The following RANBP2 variants were observed in gnomAD, a reference collection of about 807,000 sequenced individuals.
RANBP2 encodes the protein RAN binding protein 2, also known as E3 SUMO-protein ligase RanBP2.
In RANBP2, 57 loss-of-function variants were observed where a neutral mutation model predicts 303.6. The observed-to-expected ratio is 0.19, with a 90% CI of 0.15 to 0.23. The LOEUF (loss-of-function observed/expected upper bound fraction) is 0.23, where lower values mean the gene tolerates loss of function less well. Among genes scored for constraint, RANBP2 ranks in the 10% least tolerant of loss-of-function variants. The pLI is 1.00. For missense variants in RANBP2, 3,138 were observed against 3,780.8 expected, an observed-to-expected ratio of 0.83 and a Z score of 4.46; for synonymous variants, 1,167 against 1,301.5, an observed-to-expected ratio of 0.90 and a Z score of 2.23.
At chr2:108,742,485 T>C (rs1558890665) in intron 7 of RANBP2, among the ~76,000 whole-genome samples, 5 of 151,680 alleles carry the variant, frequency 3.3e-5, no homozygotes, top group Admixed American at 2.0e-4. Context: ...TTGTATTTTT[T>C]AATAGAGACG....
the RANBP2 span, among the ~76,000 whole-genome samples, chr2:109,255,393 G>A: frequency 6.6e-6 from 1 of 152,150 alleles, no homozygotes; most frequent in Non-Finnish European, 1.5e-5. Context: ...CCACCACCAG[G>A]GAATGTCTGG....
At chr2:109,470,273 C>T in the RANBP2 span, among the ~76,000 whole-genome samples, 16 of 152,146 alleles carry the variant, frequency 1.1e-4, no homozygotes, top group African/African-American at 3.9e-4. Context: ...AAGGATGACC[C>T]ACAGCACCCA....
chr2:109,387,889 A>T, the RANBP2 span, among the ~76,000 whole-genome samples: 2 of 150,176 alleles, frequency 1.3e-5, no homozygotes, highest in Admixed American at 6.6e-5. Flanking sequence ...CGGCCCATCC[A>T]CCCGCACACG....
At chr2:108,812,296 T>C in the RANBP2 span, among the ~76,000 whole-genome samples, 1 of 152,156 alleles carries the variant, frequency 6.6e-6, no homozygotes. Flanking sequence ...TTGTACTGCA[T>C]ACTTAGGATT....
the RANBP2 span, among the ~76,000 whole-genome samples, chr2:109,596,614 CAAAAAAAGAAAA>C: frequency 6.8e-6 from 1 of 146,084 alleles, no homozygotes. Context: ...GACTCCATCT[CAAAAAAAGAAAA>C]AAAAAAAGAA....
At chr2:109,684,048 TC>T in the RANBP2 span, among the ~76,000 whole-genome samples, 1 of 151,592 alleles carries the variant, frequency 6.6e-6, no homozygotes, top group Non-Finnish European at 1.5e-5. Context: ...CTCAAGCGAT[TC>T]TCCTGCCTCA....
At chr2:109,398,449 C>G in the RANBP2 span, 1 of 788,850 alleles carries the variant, frequency 1.3e-6, no homozygotes, top group African/African-American at 1.7e-5. Flanking sequence ...CCACCAGCCT[C>G]TTCTGTGTTT....
chr2:109,409,599 A>C, the RANBP2 span, among the ~76,000 whole-genome samples: 2 of 152,112 alleles, frequency 1.3e-5, no homozygotes, highest in Admixed American at 6.5e-5. Context: ...AGTTCCCCTC[A>C]CCAGCTGAGA....
At chr2:109,242,699 C>T in the RANBP2 span, among the ~76,000 whole-genome samples, 4 of 152,200 alleles carry the variant, frequency 2.6e-5, no homozygotes, top group South Asian at 2.1e-4. Context: ...GGACACATTT[C>T]GTGAGCCCTG....
At chr2:109,078,102 A>AGGCG in the RANBP2 span, among the ~76,000 whole-genome samples, 3 of 90,132 alleles carry the variant, frequency 3.3e-5, no homozygotes, top group African/African-American at 7.6e-5. Flanking sequence ...ATATATATAT[A>AGGCG]TATATATATA....
At chr2:109,674,512 T>C in the RANBP2 span, among the ~76,000 whole-genome samples, 1 of 150,744 alleles carries the variant, frequency 6.6e-6, no homozygotes, top group Non-Finnish European at 1.5e-5. Context: ...GCCCAGAAGG[T>C]TGTGAGGCTG....
the RANBP2 span, among the ~76,000 whole-genome samples, chr2:109,624,196 A>T: frequency 6.6e-6 from 1 of 152,180 alleles, no homozygotes; most frequent in African/African-American, 2.4e-5. Flanking sequence ...TGCTCCAGGG[A>T]GGGGTGGCAG....
the RANBP2 span, among the ~76,000 whole-genome samples, chr2:109,066,523 C>T: frequency 6.6e-6 from 1 of 152,152 alleles, no homozygotes; most frequent in Non-Finnish European, 1.5e-5. Context: ...GTGGGGGGTG[C>T]CCTCTAAACT....
chr2:109,043,839 A>T, the RANBP2 span, among the ~76,000 whole-genome samples: 1 of 152,128 alleles, frequency 6.6e-6, no homozygotes, highest in Admixed American at 6.6e-5. Flanking sequence ...ATGCTTTAGA[A>T]AGGTGGTTGG....
chr2:109,026,405 A>G, the RANBP2 span, among the ~76,000 whole-genome samples: 1 of 150,838 alleles, frequency 6.6e-6, no homozygotes, highest in Non-Finnish European at 1.5e-5. Flanking sequence ...CTGGGACAAT[A>G]GATAAGAGCC....
At chr2:109,248,196 A>G in the RANBP2 span, among the ~76,000 whole-genome samples, 2 of 152,118 alleles carry the variant, frequency 1.3e-5, no homozygotes, top group Non-Finnish European at 2.9e-5. Flanking sequence ...TAATTCTTTC[A>G]TTGCTATATA....
At chr2:109,349,829 C>T in the RANBP2 span, among the ~76,000 whole-genome samples, 58 of 152,368 alleles carry the variant, frequency 3.8e-4, no homozygotes, top group East Asian at 0.01. Context: ...TGCTGCATTC[C>T]ACGGGCCTCT....
the RANBP2 span, among the ~76,000 whole-genome samples, chr2:109,316,279 G>A: frequency 6.6e-6 from 1 of 152,112 alleles, no homozygotes; most frequent in African/African-American, 2.4e-5. Context: ...TGTGGGCCTC[G>A]GTCCAGGAGG....
At chr2:109,462,652 C>T in the RANBP2 span, among the ~76,000 whole-genome samples, 1 of 152,196 alleles carries the variant, frequency 6.6e-6, no homozygotes. Context: ...TAGTGGCTTC[C>T]ACTGGCCTTT....
Sources: allele counts gnomAD v4.1 joint callset (sites outside exome capture counted in the v4.1 genomes callset), GRCh38; gene constraint gnomAD v4.1.1; transcripts MANE v1.5; gene names NCBI Gene and HGNC (gene_info 2026-07-23, HGNC 2026-07-21).